The following DNAJC7 variants were observed in gnomAD, a reference collection of about 807,000 sequenced individuals.
DNAJC7 encodes dnaJ homolog subfamily C member 7.
A neutral mutation model predicts 67.4 loss-of-function variants in DNAJC7; 18 were observed. The observed-to-expected ratio is 0.27, with a 90% CI of 0.18 to 0.40. The LOEUF is 0.40. Among genes scored for constraint, DNAJC7 ranks in the 10% least tolerant of loss-of-function variants. The pLI, the probability that DNAJC7 is intolerant of heterozygous loss-of-function variation, is 1.00. For synonymous variants in DNAJC7, 220 were observed against 207.8 expected (o/e 1.06, Z -0.50); for missense variants, 419 against 613.8 (o/e 0.68, Z 3.35).
chr17:42,013,550 C>A (rs1473026724), intron 1 of DNAJC7: 1 of 152,180 alleles, frequency 6.6e-6, no homozygotes, highest in Non-Finnish European at 1.5e-5. Flanking sequence ...CCTAAATGAA[C>A]TGGTAGGAGG....
At chr17:41,994,297 C>T (rs1274609841) in intron 5 of DNAJC7, among the ~76,000 whole-genome samples, 5 of 152,126 alleles carry the variant, frequency 3.3e-5, no homozygotes, top group African/African-American at 1.2e-4. Context: ...GATTATGCCA[C>T]TGTACTCCAG....
At position 41,997,162 on chromosome 17, in the gene DNAJC7, G is replaced by A; in HGVS notation, c.244C>T (p.Leu82Phe). The A allele has an allele frequency of 6.2e-7, 1 of 1,613,942 alleles. No individual in the cohort carries two copies. Among genetic ancestry groups the A allele is most frequent in the Non-Finnish European group, 8.5e-7 (1 of 1,179,870 alleles). ...LMMLGRFREA[L>F]GDAQQSVRLD... Reference sequence around the variant, plus strand: ...CTCACTGACTGTTGTGCATCTCCAAGAGCTTCCCGGAACCTTCCAAGCATC... The same window carrying A: ...CTCACTGACTGTTGTGCATCTCCAAAAGCTTCCCGGAACCTTCCAAGCATC... The change falls in exon 3 of 14, where the codon CTT becomes TTT. Residue 82 changes from leucine to phenylalanine, a missense_variant. Physicochemically the swap from Leu to Phe is conservative, Grantham distance 22. Coordinates refer to ENST00000457167, the MANE Select transcript of DNAJC7 (RefSeq NM_003315.4).
At chr17:42,012,045 AACAT>A (rs1330565763) in intron 1 of DNAJC7, among the ~76,000 whole-genome samples, 3 of 152,260 alleles carry the variant, frequency 2.0e-5, no homozygotes, top group African/African-American at 7.2e-5. Context: ...CCATCAGGAA[AACAT>A]ACAGAGAAGT....
chr17:41,976,653 GGGA>G lies in DNAJC7; in HGVS notation c.*77_*79del, dbSNP rs1407594115. 2 of 1,557,280 alleles carry G rather than the reference GGGA, an allele frequency of 1.3e-6. No homozygotes were observed. Among genetic ancestry groups the G allele is most frequent in the Non-Finnish European group, 1.7e-6 (2 of 1,144,030 alleles). On this transcript the variant is annotated 3_prime_UTR_variant, in exon 14 of 14. Transcript: ENST00000457167. ...TCTAAGCACACGGAGACGTGATGAAGGGAGGAGGTGAACTGTTTCCACATTCAA... is the reference window on the plus strand; with the variant it reads ...TCTAAGCACACGGAGACGTGATGAAGGGAGGTGAACTGTTTCCACATTCAA...
At position 41,993,889 on chromosome 17, in the gene DNAJC7, C is replaced by A. The variant is rs868980600; in HGVS notation, c.480+981G>T. Among the ~76,000 whole-genome samples, 828 of 107,050 alleles carry A rather than the reference C, an allele frequency of 7.7e-3. 7 individuals are homozygous for A. The highest frequency in any genetic ancestry group is 0.024 in the African/African-American group (763 of 31,776). 70.2% of individuals were successfully genotyped at this position (107,050 alleles called of 152,430 possible). A position where few individuals can be genotyped will look rare whatever the true frequency, so the allele number is the denominator to read the frequency against. On this transcript the variant is annotated intron_variant, in intron 5 of 13. Coordinates refer to ENST00000457167, the MANE Select transcript of DNAJC7 (RefSeq NM_003315.4). The stretch of plus-strand genomic sequence containing the variant: ...CCGTCTCTACTAAAAAAAAAAAAAA[C>A]AAAATTAGCCATGCGTGGCAGCACA...
intron 1 of DNAJC7, among the ~76,000 whole-genome samples, chr17:42,006,588 G>A (rs1555650293): frequency 6.6e-6 from 1 of 150,932 alleles, no homozygotes; most frequent in Non-Finnish European, 1.5e-5. Context: ...CATGAAGTCA[G>A]GAGTTCGAGA....
intron 12 of DNAJC7, among the ~76,000 whole-genome samples, chr17:41,978,762 C>T (rs1872682837): frequency 1.3e-5 from 2 of 152,132 alleles, no homozygotes; most frequent in Non-Finnish European, 2.9e-5. Context: ...TGCCTGTAGT[C>T]CCAGCTACTT....
chr17:42,017,345 C>T lies in DNAJC7; in HGVS notation c.72G>A (p.Ala24=), dbSNP rs531340867. 3 of 1,611,826 alleles carry T rather than the reference C, an allele frequency of 1.9e-6. No homozygotes were observed. The highest frequency in any genetic ancestry group is 2.2e-5 in the East Asian group (1 of 44,888). ...TEPELLDDQE[A]KREAETFKEQ... is the part of the protein sequence containing the mutation. ...CTACCCTGCTACCCGGTTACCTCTT[C>T]GCCTCTTGGTCGTCGAGCAGCTCCG... The change falls in exon 1 of 14, where the codon GCG becomes GCA. Residue 24 remains alanine (A), a synonymous_variant. Coordinates refer to ENST00000457167, the MANE Select transcript of DNAJC7 (RefSeq NM_003315.4).
chr17:41,986,530 CTTTTTTTT>C (rs74268062), intron 9 of DNAJC7, among the ~76,000 whole-genome samples: 1 of 128,704 alleles, frequency 7.8e-6, no homozygotes, highest in Admixed American at 7.8e-5. Context: ...CTCCCCCCGC[CTTTTTTTT>C]TTTTTTTTTT....
Position 41,988,748 on chromosome 17 carries a change from C to A in DNAJC7, c.902G>T (p.Gly301Val). The change falls in exon 8 of 14, where the codon GGT becomes GTT. Residue 301 changes from glycine (G) to valine (V), a missense_variant. Gly to Val is a moderately radical substitution (Grantham distance 109, BLOSUM62 -3). Around this residue, in one of 4 missense-constraint regions of DNAJC7, gnomAD observed 161 missense variants for 252.2 expected, o/e 0.64. Coordinates refer to ENST00000457167, the MANE Select transcript of DNAJC7 (RefSeq NM_003315.4). The stretch of plus-strand genomic sequence containing the variant: ...AGAGCTTACCTTGGAATTAACCGTA[C>A]CCCGATTACAGTAGAGTTTAGCATT... ...KTNAKLYCNR[G>V]TVNSKLRKLD... 1 of 1,605,772 alleles carries A rather than the reference C, an allele frequency of 6.2e-7. No individual in the cohort carries two copies. The highest frequency in any genetic ancestry group is 8.5e-7 in the Non-Finnish European group (1 of 1,177,486).
chr17:42,002,524 C>T (rs1192997243), intron 1 of DNAJC7, among the ~76,000 whole-genome samples: 1 of 152,148 alleles, frequency 6.6e-6, no homozygotes, highest in African/African-American at 2.4e-5. Context: ...TGGACAGTTA[C>T]TAATAACTAC....
Position 41,976,622 on chromosome 17 carries a change from A to G in DNAJC7, c.*111T>C, listed in dbSNP as rs1366714264. The G allele has an allele frequency of 7.0e-7, 1 of 1,429,348 alleles. No individual in the cohort carries two copies. The highest frequency in any genetic ancestry group is 2.4e-5 in the Admixed American group (1 of 41,418). 88.5% of individuals were successfully genotyped at this position (1,429,348 alleles called of 1,614,324 possible). A position where few individuals can be genotyped will look rare whatever the true frequency, so the allele number is the denominator to read the frequency against. ...ACAGGGCATCCAACTGAGAAAACGA[A>G]ACTGCTCTAAGCACACGGAGACGTG... On this transcript the variant is annotated 3_prime_UTR_variant, in exon 14 of 14. Transcript: ENST00000457167.
At chr17:42,003,364 G>A (rs570032846) in intron 1 of DNAJC7, 45 of 152,282 alleles carry the variant, frequency 3.0e-4, no homozygotes, top group African/African-American at 1.0e-3. Context: ...CTGACCCTGC[G>A]AGACCAGTCG....
rs782656362 is a variant in DNAJC7 at position 42,017,333 on chromosome 17, C to T, written c.77+7G>A. 1.9e-6 allele frequency: 3 copies of T among 1,611,836 alleles called. No homozygotes were observed. The highest frequency in any genetic ancestry group is 2.5e-6 in the Non-Finnish European group (3 of 1,179,882). On this transcript the variant is annotated splice_region_variant and intron_variant, in intron 1 of 13. Transcript: ENST00000457167. The stretch of plus-strand genomic sequence containing the variant: ...TCGCCTCCTCTACTACCCTGCTACC[C>T]GGTTACCTCTTCGCCTCTTGGTCGT...
Position 41,987,916 on chromosome 17 carries a change from G to GGA in DNAJC7, c.919-8_919-7dup, listed in dbSNP as rs781950694. The GGA allele has an allele frequency of 2.1e-5, 33 of 1,606,664 alleles. No individual in the cohort carries two copies. Among genetic ancestry groups the GGA allele is most frequent in the Middle Eastern group, 3.3e-4 (2 of 6,054 alleles). On this transcript the variant is annotated splice_polypyrimidine_tract_variant and splice_region_variant and intron_variant, in intron 8 of 13. Coordinates refer to ENST00000457167, the MANE Select transcript of DNAJC7 (RefSeq NM_003315.4). The stretch of plus-strand genomic sequence containing the variant: ...GCATCATCTAGTTTCCTAAGCTTCA[G>GGA]GAGAGAGAGAGCAATCATACTTCAC...
At chr17:41,991,983 A>G (rs1555647846) in intron 5 of DNAJC7, among the ~76,000 whole-genome samples, 1 of 151,776 alleles carries the variant, frequency 6.6e-6, no homozygotes, top group Admixed American at 6.6e-5. Context: ...ATCTGGCAAC[A>G]CTTTCTAGTT....
rs569359032 is a variant in DNAJC7, at chr17:41,998,001, C to T, written c.167-762G>A. Among the ~76,000 whole-genome samples the T allele has an allele frequency of 1.0e-3, 158 of 152,202 alleles. 2 individuals are homozygous for T. Among genetic ancestry groups the T allele is most frequent in the Middle Eastern group, 6.8e-3 (2 of 294 alleles). On this transcript the variant is annotated intron_variant, in intron 2 of 13. Coordinates refer to ENST00000457167, the MANE Select transcript of DNAJC7 (RefSeq NM_003315.4). ...CCTCAGCCTCCTAAGTGGCTGGGACCACAGGCACACGCCACCACATCCAGC... is the reference window on the plus strand; with the variant it reads ...CCTCAGCCTCCTAAGTGGCTGGGACTACAGGCACACGCCACCACATCCAGC...
chr17:41,983,314 G>C (rs2051297740), intron 10 of DNAJC7, among the ~76,000 whole-genome samples: 1 of 152,170 alleles, frequency 6.6e-6, no homozygotes, highest in South Asian at 2.1e-4. Flanking sequence ...AGTAGAGATG[G>C]GGTTTCACCA....
chr17:41,976,639 G>C lies in DNAJC7; in HGVS notation c.*94C>G. On this transcript the variant is annotated 3_prime_UTR_variant, in exon 14 of 14. Coordinates refer to ENST00000457167, the MANE Select transcript of DNAJC7 (RefSeq NM_003315.4). ...GAAAACGAAACTGCTCTAAGCACAC[G>C]GAGACGTGATGAAGGGAGGAGGTGA... 1 of 1,515,410 alleles carries C rather than the reference G, an allele frequency of 6.6e-7. No individual in the cohort carries two copies. 93.9% of individuals were successfully genotyped at this position (1,515,410 alleles called of 1,614,324 possible).
Sources: gnomAD v4.1 joint callset for allele counts (sites outside exome capture counted in the v4.1 genomes callset) on GRCh38, gnomAD v4.1.1 for gene constraint, gnomAD v4.1.1 regional missense constraint, MANE v1.5 for transcripts, NCBI Gene and HGNC (gene_info 2026-07-23, HGNC 2026-07-21) for gene names.